The following PTBP3 variants were observed in gnomAD, a reference collection of about 807,000 sequenced individuals.
The protein encoded by PTBP3 is polypyrimidine tract-binding protein 3.
PTBP3 carries 20 observed loss-of-function variants against 58.7 expected under a neutral mutation model. That is an observed-to-expected ratio of 0.34 (90% CI 0.24 to 0.50). PTBP3 has a LOEUF of 0.50. PTBP3 is among the 20% of genes least tolerant of loss of function. PTBP3 has a pLI of 0.98. For synonymous variants in PTBP3, 185 were observed against 219.8 expected, an observed-to-expected ratio of 0.84 and a Z score of 1.40; for missense variants, 509 against 637.2, an observed-to-expected ratio of 0.80 and a Z score of 2.17.
At chr9:112,325,329 C>A (rs1337995114) in intron 1 of PTBP3, among the ~76,000 whole-genome samples, 1 of 152,062 alleles carries the variant, frequency 6.6e-6, no homozygotes, top group Non-Finnish European at 1.5e-5. Flanking sequence ...CCCGTCTGCA[C>A]ACTGGGGGAA....
chr9:112,283,010 C>A (rs1449827866), intron 2 of PTBP3, among the ~76,000 whole-genome samples: 1 of 152,184 alleles, frequency 6.6e-6, no homozygotes, highest in African/African-American at 2.4e-5. Context: ...CTCACTCTAA[C>A]CTGCCACCAT....
At chr9:112,276,221 G>C (rs1220470474) in intron 2 of PTBP3, among the ~76,000 whole-genome samples, 1 of 151,936 alleles carries the variant, frequency 6.6e-6, no homozygotes, top group Non-Finnish European at 1.5e-5. Flanking sequence ...TTTCACTGTG[G>C]GTATTAAATT....
rs370047918 is a variant in PTBP3 at position 112,234,792 on chromosome 9, C to A, written c.880+28G>T. ...GAAAATATACAACTTCATTAAAAGT[C>A]ATTTCAAATCCAACTTAAAAGAATC... On this transcript the variant is annotated intron_variant, in intron 8 of 13. Coordinates refer to ENST00000374257, the MANE Select transcript of PTBP3 (RefSeq NM_001163788.4). 40 of 1,572,570 alleles carry A rather than the reference C, an allele frequency of 2.5e-5. No homozygotes were observed. In the African/African-American group the frequency reaches 3.6e-4, roughly 14 times the overall value.
In PTBP3 at chr9:112,224,156, T is replaced by C. The variant is rs746039008; in HGVS notation, c.1419A>G (p.Ser473=). 1 of 1,580,946 alleles carries C rather than the reference T, an allele frequency of 6.3e-7. No individual in the cohort carries two copies. The highest frequency in any genetic ancestry group is 8.6e-7 in the Non-Finnish European group (1 of 1,168,902). ...ACTGAAAGAATTTAAAAGCCTTCAC[T>C]GAACATCCAGCTTCTATGAAAAGGT... ...LKNLFIEAGC[S]VKAFKFFQKD... The change falls in exon 13 of 14, where the codon TCA becomes TCG. Residue 473 remains serine, a synonymous_variant. Coordinates refer to ENST00000374257, the MANE Select transcript of PTBP3 (RefSeq NM_001163788.4).
intron 4 of PTBP3, among the ~76,000 whole-genome samples, chr9:112,267,297 C>G (rs1350998299): frequency 6.6e-6 from 1 of 151,980 alleles, no homozygotes; most frequent in African/African-American, 2.4e-5. Context: ...TCCTGAGTAG[C>G]TGGGACTACA....
intron 2 of PTBP3, among the ~76,000 whole-genome samples, chr9:112,297,401 C>T (rs1828737249): frequency 1.3e-5 from 2 of 152,164 alleles, no homozygotes; most frequent in Non-Finnish European, 2.9e-5. Flanking sequence ...GACGGGGTTT[C>T]GCCATGTTGG....
chr9:112,296,869 T>C (rs1436890493), intron 2 of PTBP3, among the ~76,000 whole-genome samples: 4 of 152,336 alleles, frequency 2.6e-5, no homozygotes, highest in East Asian at 1.9e-4. Context: ...ATATCCCTTA[T>C]TCAAACATTC....
Position 112,221,603 on chromosome 9 carries a change from A to AC in PTBP3, c.*2247dup. 1.0e-6 allele frequency: 1 copy of AC among 985,420 alleles called. No homozygotes were observed. Among genetic ancestry groups the AC allele is most frequent in the Non-Finnish European group, 1.2e-6 (1 of 829,900 alleles). The allele number at this position is 985,420 out of a possible 1,614,324, so 61.0% of individuals were successfully genotyped here. A position where few individuals can be genotyped will look rare whatever the true frequency, so the allele number is the denominator to read the frequency against. ...AAGAAATTTTTTTCCTCCTTCATAT[A>AC]CCCCTTGTGTCTAGGTCAAAACTTA... On this transcript the variant is annotated 3_prime_UTR_variant, in exon 14 of 14. Transcript: ENST00000374257.
At chr9:112,360,190 A>T in the PTBP3 span, among the ~76,000 whole-genome samples, 1 of 151,622 alleles carries the variant, frequency 6.6e-6, no homozygotes. Context: ...ACCCAAAGGA[A>T]TTTTTTTTTC....
chr9:112,238,299 T>A (rs1835513458), intron 7 of PTBP3, among the ~76,000 whole-genome samples: 1 of 152,132 alleles, frequency 6.6e-6, no homozygotes, highest in African/African-American at 2.4e-5. Context: ...AAGCCACAAT[T>A]GCTAAGATCT....
chr9:112,354,995 T>C, the PTBP3 span, among the ~76,000 whole-genome samples: 1 of 152,220 alleles, frequency 6.6e-6, no homozygotes. Context: ...CTTTGGGAGA[T>C]GTGGGTGTGT....
At chr9:112,262,124 G>T in intron 5 of PTBP3, among the ~76,000 whole-genome samples, 1 of 151,936 alleles carries the variant, frequency 6.6e-6, no homozygotes, top group South Asian at 2.1e-4. Flanking sequence ...TGTACTCAAC[G>T]GTGACATTAC....
intron 1 of PTBP3, among the ~76,000 whole-genome samples, chr9:112,309,578 G>C (rs1157032565): frequency 6.6e-6 from 1 of 152,084 alleles, no homozygotes; most frequent in Non-Finnish European, 1.5e-5. Context: ...CTGAGGTCAG[G>C]AGTTTGAGAC....
chr9:112,265,077 T>C (rs1253491425), intron 4 of PTBP3, among the ~76,000 whole-genome samples: 4 of 152,162 alleles, frequency 2.6e-5, no homozygotes, highest in Non-Finnish European at 5.9e-5. Context: ...ATCAACCCAA[T>C]TCCAAGTGTG....
chr9:112,287,216 G>C (rs1346311596), intron 2 of PTBP3, among the ~76,000 whole-genome samples: 2 of 151,684 alleles, frequency 1.3e-5, no homozygotes, highest in African/African-American at 4.8e-5. Flanking sequence ...AATTTCTTGA[G>C]ATGTATTTCT....
chr9:112,333,301 G>A (rs535559709), intron 1 of PTBP3, among the ~76,000 whole-genome samples, 169 bp downstream of exon 1: 2 of 151,752 alleles, frequency 1.3e-5, no homozygotes, highest in African/African-American at 4.8e-5. Flanking sequence ...CCGCGATTCC[G>A]GGATCCCCAC....
At chr9:112,232,330 C>T in intron 8 of PTBP3, 92 bp from the exon 9 acceptor site, 1 of 1,271,358 alleles carries the variant, frequency 7.9e-7, no homozygotes, top group Non-Finnish European at 1.1e-6. Flanking sequence ...GAAAGGAAAA[C>T]TACAGAAAGA....
chr9:112,279,428 A>G (rs1827762854), intron 2 of PTBP3, among the ~76,000 whole-genome samples: 1 of 152,208 alleles, frequency 6.6e-6, no homozygotes, highest in Non-Finnish European at 1.5e-5. Flanking sequence ...CCTCAAAACT[A>G]GAAGAATCTG....
chr9:112,248,787 C>T (rs1158599823), intron 7 of PTBP3, among the ~76,000 whole-genome samples: 1 of 152,154 alleles, frequency 6.6e-6, no homozygotes, highest in Non-Finnish European at 1.5e-5. Context: ...CTATGTACTT[C>T]TTAGAGAAAA....
Sources: gnomAD v4.1 joint callset for allele counts (sites outside exome capture counted in the v4.1 genomes callset) on GRCh38, gnomAD v4.1.1 for gene constraint, MANE v1.5 for transcripts, NCBI Gene and HGNC (gene_info 2026-07-23, HGNC 2026-07-21) for gene names.